Variants in PEX7 observed in about 807,000 individuals in gnomAD.
The protein encoded by PEX7 is PTS2 receptor.
Under a neutral mutation model 47.5 loss-of-function variants are expected in PEX7, and 34 were observed. The ratio of observed to expected loss-of-function variants is 0.72; its 90% CI spans 0.54 to 0.95. The LOEUF is 0.95. Ranked by LOEUF, PEX7 falls within the 40% of genes least tolerant of loss-of-function variation. PEX7 has a pLI of 0.00. For missense variants in PEX7, 394 were observed against 400.3 expected (o/e 0.98, Z 0.13); for synonymous variants, 141 against 148.8 (o/e 0.95, Z 0.38).
chr6:136,871,728 C>G, intron 7 of PEX7, among the ~76,000 whole-genome samples: 1 of 152,044 alleles, frequency 6.6e-6, no homozygotes, highest in Admixed American at 6.5e-5. Context: ...GCCCATCTAA[C>G]TTTTGTATTT....
intron 8 of PEX7, among the ~76,000 whole-genome samples, chr6:136,886,771 G>T (rs1775473533): frequency 6.6e-6 from 1 of 152,138 alleles, no homozygotes; most frequent in Non-Finnish European, 1.5e-5. Context: ...TTACCAGAGG[G>T]GCTGGGCACA....
intron 8 of PEX7, among the ~76,000 whole-genome samples, chr6:136,894,406 A>G (rs1582775020): frequency 6.6e-6 from 1 of 152,326 alleles, no homozygotes; most frequent in East Asian, 1.9e-4. Context: ...CCTGACCAAC[A>G]TGGTGAAATC....
chr6:136,913,721 C>T lies in PEX7; in HGVS notation c.*195C>T. The T allele has an allele frequency of 1.7e-6, 1 of 582,660 alleles. No individual in the cohort carries two copies. The highest frequency in any genetic ancestry group is 3.0e-6 in the Non-Finnish European group (1 of 328,276). The allele number at this position is 582,660 out of a possible 1,614,324, so 36.1% of individuals were successfully genotyped here. ...GACTCGTTAAGCCTGATACATAAGC[C>T]ATATTTAAAATTCTAAGAAATAATT... On this transcript the variant is annotated 3_prime_UTR_variant, in exon 10 of 10. Transcript: ENST00000318471.
chr6:136,839,784 A>G (rs773249297), intron 3 of PEX7, among the ~76,000 whole-genome samples: 2 of 152,174 alleles, frequency 1.3e-5, no homozygotes, highest in African/African-American at 4.8e-5. Flanking sequence ...TATTAACTCT[A>G]CTGTGTGCAA....
chr6:136,888,366 A>G (rs894109265), intron 8 of PEX7, among the ~76,000 whole-genome samples: 4 of 152,182 alleles, frequency 2.6e-5, no homozygotes, highest in Admixed American at 6.5e-5. Context: ...ATTTGCAGGA[A>G]CTACAGTTAA....
intron 8 of PEX7, among the ~76,000 whole-genome samples, chr6:136,887,054 A>G (rs2115255470): frequency 6.6e-6 from 1 of 152,270 alleles, no homozygotes; most frequent in East Asian, 1.9e-4. Context: ...CTTGAAAAAA[A>G]CAAACAAAAA....
chr6:136,837,176 C>T (rs1239710114), intron 3 of PEX7, among the ~76,000 whole-genome samples: 1 of 151,636 alleles, frequency 6.6e-6, no homozygotes, highest in Non-Finnish European at 1.5e-5. Context: ...CTGGCTAACA[C>T]GGTGAAACCC....
At chr6:136,852,381 C>T (rs1212767992) in intron 5 of PEX7, among the ~76,000 whole-genome samples, 7 of 118,686 alleles carry the variant, frequency 5.9e-5, no homozygotes, top group Non-Finnish European at 1.2e-4. Context: ...TCCCTGTTTG[C>T]AGACGACATG....
intron 3 of PEX7, among the ~76,000 whole-genome samples, chr6:136,844,995 T>G (rs1348300999): frequency 2.6e-5 from 4 of 152,260 alleles, no homozygotes; most frequent in Non-Finnish European, 4.4e-5. Context: ...TTTGTTGAAC[T>G]TAGTTTACAG....
chr6:136,901,195 A>G (rs1319700560), intron 9 of PEX7: 1 of 152,326 alleles, frequency 6.6e-6, no homozygotes, highest in Non-Finnish European at 1.5e-5. Context: ...TTGTATATTT[A>G]CAAGTCACAT....
rs376208010 is a variant in PEX7 at position 136,849,772 on chromosome 6, A to C, written c.526+3591A>C. Reference sequence around the variant, plus strand: ...TTTGCTGAGGAGTGCTTTGCTTCCAAGTATGTGGTCAGTTTTGGAATAAGT... The same window carrying C: ...TTTGCTGAGGAGTGCTTTGCTTCCACGTATGTGGTCAGTTTTGGAATAAGT... On this transcript the variant is annotated intron_variant, in intron 5 of 9. Coordinates refer to ENST00000318471, the MANE Select transcript of PEX7 (RefSeq NM_000288.4). Among the ~76,000 whole-genome samples, 3 of 152,272 alleles carry C rather than the reference A, an allele frequency of 2.0e-5. No individual in the cohort carries two copies. In the East Asian group the frequency reaches 5.8e-4, roughly 29 times the overall value.
At chr6:136,891,237 G>A (rs1353309087) in intron 8 of PEX7, among the ~76,000 whole-genome samples, 3 of 152,120 alleles carry the variant, frequency 2.0e-5, no homozygotes, top group Non-Finnish European at 4.4e-5. Flanking sequence ...TGGTTCCCGG[G>A]CTTAATGTTT....
rs766966840 is a variant in PEX7, at chr6:136,822,685, G to T, written c.20G>T (p.Gly7Val). 2 of 1,522,176 alleles carry T rather than the reference G, an allele frequency of 1.3e-6. No individual in the cohort carries two copies. The highest frequency in any genetic ancestry group is 2.5e-5 in the East Asian group (1 of 39,436). 94.3% of individuals were successfully genotyped at this position (1,522,176 alleles called of 1,614,324 possible). The change falls in exon 1 of 10, where the codon GGA (glycine) becomes GTA (valine). Residue 7 changes from glycine to valine, a missense_variant. Coordinates refer to ENST00000318471, the MANE Select transcript of PEX7 (RefSeq NM_000288.4). Reference protein sequence around the residue: MSAVCGGAARMLRTPGR... With the variant: MSAVCGVAARMLRTPGR... ...GGCGGGATGAGTGCGGTGTGCGGTGGAGCGGCGCGGATGCTGCGGACGCCG... is the reference window on the plus strand; with the variant it reads ...GGCGGGATGAGTGCGGTGTGCGGTGTAGCGGCGCGGATGCTGCGGACGCCG...
chr6:136,900,416 T>C lies in PEX7; in HGVS notation c.903+2175T>C. ...GTGGCAGGTTCTTTAGCCTTTGCCT[T>C]TTCCAGCTTGGCAGTGTGAGCCACA... On this transcript the variant is annotated intron_variant, in intron 9 of 9. Transcript: ENST00000318471. This position sits in a 1 kb window ranked among gnomAD's most constrained non-coding sequence, Gnocchi z 4.2. 1 of 405,092 alleles carries C rather than the reference T, an allele frequency of 2.5e-6. No homozygotes were observed. Among genetic ancestry groups the C allele is most frequent in the African/African-American group, 2.0e-5 (1 of 49,652 alleles). The allele number at this position is 405,092 out of a possible 1,614,324, so 25.1% of individuals were successfully genotyped here.
chr6:136,835,864 C>T (rs935649742), intron 3 of PEX7, among the ~76,000 whole-genome samples: 1 of 152,112 alleles, frequency 6.6e-6, no homozygotes, highest in Non-Finnish European at 1.5e-5. Flanking sequence ...TATCTAACCT[C>T]AAAGTTTCTA....
rs1457606000 is a variant in PEX7, at chr6:136,845,708, T to C, written c.417+16T>C. On this transcript the variant is annotated intron_variant, in intron 4 of 9. Transcript: ENST00000318471. ...TGTCAAATTGGTATGTTAGCATTAT[T>C]GTATTCAAAAACGAATATTCCCTTC... 6.6e-7 allele frequency: 1 copy of C among 1,520,410 alleles called. No individual in the cohort carries two copies. Among genetic ancestry groups the C allele is most frequent in the East Asian group, 2.2e-5 (1 of 44,462 alleles). 94.2% of individuals were successfully genotyped at this position (1,520,410 alleles called of 1,614,324 possible). A position where few individuals can be genotyped will look rare whatever the true frequency, so the allele number is the denominator to read the frequency against.
intron 8 of PEX7, among the ~76,000 whole-genome samples, chr6:136,888,847 A>G (rs1474796824): frequency 6.6e-6 from 1 of 152,150 alleles, no homozygotes; most frequent in Admixed American, 6.5e-5. Context: ...TAATAAAACA[A>G]TTTAAAGTAG....
chr6:136,825,568 C>T (rs1481958736), intron 2 of PEX7, among the ~76,000 whole-genome samples: 1 of 151,986 alleles, frequency 6.6e-6, no homozygotes, highest in Non-Finnish European at 1.5e-5. Context: ...GAGTCTGGCT[C>T]TGTCACCCAG....
rs184294591 is a variant in PEX7, at chr6:136,906,051, C to T, written c.904-7407C>T. On this transcript the variant is annotated intron_variant, in intron 9 of 9. Transcript: ENST00000318471. The stretch of plus-strand genomic sequence containing the variant: ...GTGGATTACTGCAACAATCTCAAAC[C>T]TGGTCTCTAAGCTCTTTCCATCATC... 6.3e-3 allele frequency among the ~76,000 whole-genome samples: 961 copies of T among 152,300 alleles called. 7 individuals carry two copies. Among genetic ancestry groups the T allele is most frequent in the African/African-American group, 0.022 (907 of 41,554 alleles).
Sources: allele counts gnomAD v4.1 joint callset (sites outside exome capture counted in the v4.1 genomes callset), GRCh38; gene constraint gnomAD v4.1.1; non-coding constraint Gnocchi (gnomAD v3.1); transcripts MANE v1.5; gene names NCBI Gene and HGNC (gene_info 2026-07-23, HGNC 2026-07-21).